UBA1: variants seen among roughly 807,000 people sequenced by gnomAD.
UBA1 encodes the protein ubiquitin-like modifier-activating enzyme 1.
UBA1 carries 4 observed loss-of-function variants against 84.7 expected under a neutral mutation model. The observed-to-expected ratio is 0.05, with a 90% CI of 0.02 to 0.11. The LOEUF is 0.11. UBA1 is among the 10% of genes least tolerant of loss of function. The pLI is 1.00. For missense variants in UBA1, 513 were observed against 902.8 expected (o/e 0.57, Z 5.53); for synonymous variants, 364 against 362.6 (o/e 1.00, Z -0.04).
At position 47,214,991 on chromosome X, in the gene UBA1, G is replaced by C. The variant is rs1937086611; in HGVS notation, c.*62G>C. On this transcript the variant is annotated 3_prime_UTR_variant, in exon 26 of 26. Coordinates refer to ENST00000335972, the MANE Select transcript of UBA1 (RefSeq NM_003334.4). ...CCTCTCCACACCCCTTCCAGCCCAG[G>C]GTTCCCATTTGGCTTCTGGCAGTGG... The C allele has an allele frequency of 1.7e-6, 2 of 1,198,154 alleles. No homozygotes were observed. Among genetic ancestry groups the C allele is most frequent in the Admixed American group, 2.2e-5 (1 of 45,779 alleles).
At chrX:47,197,114 C>T (rs1441373303) in intron 1 of UBA1, 1 of 753,552 alleles carries the variant, frequency 1.3e-6, no homozygotes, top group Non-Finnish European at 1.6e-6. Flanking sequence ...TGGCTCTTAG[C>T]ATTCTAAGCA....
intron 13 of UBA1, 87 bp downstream of exon 13, chrX:47,203,301 G>A (rs782478891): frequency 7.1e-5 from 73 of 1,025,281 alleles, no homozygotes; most frequent in Non-Finnish European, 9.2e-5. Context: ...CAATGCAACC[G>A]GTGGCGCATT....
chrX:47,199,125 G>A lies in UBA1; in HGVS notation c.176+19G>A, dbSNP rs782167787. 6 of 1,211,182 alleles carry A rather than the reference G, an allele frequency of 5.0e-6. No homozygotes were observed. The Admixed American group carries it at 6.5e-5, about 13-fold the overall frequency. ...GGCAGCTGTAAGTGGGGCCAAGGCC[G>A]GGCTGAGGGGTGTGGAATGGGACAT... is the stretch of plus-strand genomic sequence containing the variant. On this transcript the variant is annotated intron_variant, in intron 3 of 25. Transcript: ENST00000335972.
chrX:47,200,421 A>C (rs1569208492), intron 5 of UBA1, among the ~76,000 whole-genome samples: 2 of 112,284 alleles, frequency 1.8e-5, no homozygotes, highest in African/African-American at 3.2e-5. Context: ...TTGCCAGGGC[A>C]CTGCAGCTAA....
At chrX:47,206,176 C>A in intron 15 of UBA1, 63 bp downstream of exon 15, 1 of 1,177,043 alleles carries the variant, frequency 8.5e-7, no homozygotes, top group Non-Finnish European at 1.1e-6. Flanking sequence ...TGTGTATATA[C>A]CAAGAGGGGT....
At chrX:47,192,391 C>T (rs1336961726), upstream of UBA1, among the ~76,000 whole-genome samples, 1 of 111,285 alleles carries the variant, frequency 9.0e-6, no homozygotes, top group African/African-American at 3.3e-5. Context: ...TGCTGTTATT[C>T]CTATTTTATG....
intron 20 of UBA1, among the ~76,000 whole-genome samples, chrX:47,211,794 A>C (rs1936929579): frequency 9.6e-6 from 1 of 104,119 alleles, no homozygotes; most frequent in African/African-American, 3.6e-5. Flanking sequence ...CTCTCCATAG[A>C]TCTCCTCCCA....
intron 1 of UBA1, among the ~76,000 whole-genome samples, chrX:47,194,336 C>A (rs569800539): frequency 8.9e-6 from 1 of 112,302 alleles, no homozygotes; most frequent in African/African-American, 3.2e-5. Flanking sequence ...CAGAACTCTT[C>A]CCCAGTCTCC....
At chrX:47,201,925 GAGA>G (rs1556788223) in intron 8 of UBA1, among the ~76,000 whole-genome samples, 2 of 111,756 alleles carry the variant, frequency 1.8e-5, no homozygotes, top group African/African-American at 6.5e-5. Context: ...ATGGGAAGCA[GAGA>G]AGGTCTTCCC....
intron 16 of UBA1, chrX:47,209,398 T>TGC: frequency 2.0e-6 from 1 of 505,691 alleles, no homozygotes; most frequent in South Asian, 2.6e-5. Flanking sequence ...AGGTGATCCA[T>TGC]CTGCCTTAGC....
intron 16 of UBA1, 89 bp from the exon 17 acceptor site, chrX:47,209,534 C>T (rs1461183548): frequency 1.1e-6 from 1 of 880,149 alleles, no homozygotes; most frequent in Non-Finnish European, 1.7e-6. Context: ...CTTGTACTTG[C>T]TTTATTCACT....
intron 14 of UBA1, chrX:47,205,393 C>T: frequency 2.9e-6 from 1 of 339,558 alleles, no homozygotes; most frequent in South Asian, 2.6e-5. Flanking sequence ...AGATGTCTGG[C>T]CCATTGTCTC....
intron 14 of UBA1, 41 bp from the exon 15 acceptor site, chrX:47,205,907 C>T (rs373255789): frequency 2.2e-5 from 26 of 1,183,474 alleles, no homozygotes; most frequent in Admixed American, 1.9e-4. Flanking sequence ...AGCTTTGTTC[C>T]CCCATCCCCA....
intron 11 of UBA1, 43 bp from the exon 12 acceptor site, chrX:47,202,900 C>G (rs782045134): frequency 5.8e-6 from 7 of 1,198,972 alleles, no homozygotes; most frequent in African/African-American, 5.3e-5. Flanking sequence ...TGTCAGGCCC[C>G]TGTTAACCAC....
chrX:47,195,845 A>G (rs1936187612), intron 1 of UBA1, among the ~76,000 whole-genome samples: 1 of 109,914 alleles, frequency 9.1e-6, no homozygotes, highest in African/African-American at 3.3e-5. Flanking sequence ...GCCTCCTGGG[A>G]CTCTGTAGTA....
chrX:47,198,545 A>G lies in UBA1; in HGVS notation c.1-258A>G, dbSNP rs147398292. On this transcript the variant is annotated intron_variant, in intron 1 of 25. Transcript: ENST00000335972. ...ACTCCAGGATTGGAGTCTCTCCCTC[A>G]TTATGCTGGGCTGGGAAGAAGCAAA... Among the ~76,000 whole-genome samples, 2,243 of 111,291 alleles carry G rather than the reference A, an allele frequency of 0.02. 51 individuals carry two copies. The highest frequency in any genetic ancestry group is 0.07 in the African/African-American group (2,144 of 30,527).
intron 14 of UBA1, 54 bp from the exon 15 acceptor site, chrX:47,205,894 G>T: frequency 8.6e-7 from 1 of 1,159,952 alleles, no homozygotes; most frequent in Non-Finnish European, 1.2e-6. Context: ...GCACAAATAA[G>T]TGAGCTTTGT....
intron 1 of UBA1, chrX:47,197,581 G>C (rs1271595925): frequency 4.0e-6 from 3 of 748,675 alleles, no homozygotes. Context: ...TCCAGCATGT[G>C]GACCCAGTCA....
intron 16 of UBA1, among the ~76,000 whole-genome samples, chrX:47,208,267 C>CCG (rs1936754137): frequency 3.3e-5 from 2 of 60,059 alleles, no homozygotes; most frequent in African/African-American, 1.5e-4. Flanking sequence ...TGGGAAGTGT[C>CCG]TGTACGTGTG....
Sources: allele counts gnomAD v4.1 joint callset (sites outside exome capture counted in the v4.1 genomes callset), GRCh38; gene constraint gnomAD v4.1.1; transcripts MANE v1.5; gene names NCBI Gene and HGNC (gene_info 2026-07-23, HGNC 2026-07-21).